The following SNAPC3 variants were observed in gnomAD, a reference collection of about 807,000 sequenced individuals.
SNAPC3 encodes small nuclear RNA activating complex polypeptide 3.
Under a neutral mutation model 47.7 loss-of-function variants are expected in SNAPC3, and 56 were observed. The observed-to-expected ratio is 1.18, with a 90% CI of 0.95 to 1.47. The LOEUF (loss-of-function observed/expected upper bound fraction) is 1.47, where lower values mean the gene tolerates loss of function less well. Ranked by LOEUF, SNAPC3 falls within the 40% of genes most tolerant of loss-of-function variation. The probability of loss-of-function intolerance (pLI) is 0.00; values close to 1 mark genes in which losing one functional copy is unlikely to be tolerated. For synonymous variants in SNAPC3, 235 were observed against 189.9 expected, an observed-to-expected ratio of 1.24 and a Z score of -1.95; for missense variants, 665 against 511.3, an observed-to-expected ratio of 1.30 and a Z score of -2.90.
At chr9:15,441,377 CCTTTT>C (rs1217998804) in intron 3 of SNAPC3, among the ~76,000 whole-genome samples, 48 of 64,952 alleles carry the variant, frequency 7.4e-4, no homozygotes, top group African/African-American at 2.3e-3. Flanking sequence ...GCAAGAGTTC[CCTTTT>C]CTTTTTTTTT....
rs1234247149 is a variant in SNAPC3, at chr9:15,460,568, T to G, written c.*702T>G. On this transcript the variant is annotated 3_prime_UTR_variant, in exon 9 of 9. Coordinates refer to ENST00000380821, the MANE Select transcript of SNAPC3 (RefSeq NM_001039697.2). ...ACCATGCCTGGCTAATTTTTGTATT[T>G]TTAGTAGAGACGGGGTTTCACCATG... The G allele has an allele frequency of 6.6e-6, 1 of 152,282 alleles. No individual in the cohort carries two copies. The highest frequency in any genetic ancestry group is 1.9e-4 in the East Asian group (1 of 5,198). The allele number at this position is 152,282 out of a possible 1,614,324, so 9.4% of individuals were successfully genotyped here.
At chr9:15,462,229 T>G (rs987957994), downstream of SNAPC3, 1 of 152,214 alleles carries the variant, frequency 6.6e-6, no homozygotes, top group African/African-American at 2.4e-5. Flanking sequence ...GATTCTTTAT[T>G]AATTATTTGA....
At chr9:15,464,680 A>G (rs1224853155), downstream of SNAPC3, 1 of 198,230 alleles carries the variant, frequency 5.0e-6, no homozygotes, top group African/African-American at 2.3e-5. Flanking sequence ...GACATTTTTA[A>G]CAACATTCCT....
chr9:15,464,210 C>G (rs988076679), downstream of SNAPC3: 1 of 190,622 alleles, frequency 5.2e-6, no homozygotes, highest in Admixed American at 6.2e-5. Context: ...ACGGTGATTC[C>G]TAGTTCCATT....
At chr9:15,433,822 TG>T in intron 3 of SNAPC3, 186 bp downstream of exon 3, 1 of 412,008 alleles carries the variant, frequency 2.4e-6, no homozygotes, top group Non-Finnish European at 4.3e-6. Flanking sequence ...AGTGACCACA[TG>T]TTTGACTTTT....
Position 15,422,896 on chromosome 9 carries a change from G to A in SNAPC3, c.17G>A (p.Arg6Gln), listed in dbSNP as rs746997280. The A allele has an allele frequency of 2.0e-6, 3 of 1,535,196 alleles. No individual in the cohort carries two copies. Among genetic ancestry groups the A allele is most frequent in the South Asian group, 2.4e-5 (2 of 82,840 alleles). MAEGS[R>Q]GGPTCSGVGG... ...GGGGCGAACATGGCTGAAGGAAGCC[G>A]AGGTGGCCCTACGTGTAGCGGGGTG... Residue 6 changes from arginine to glutamine, a missense_variant, in exon 1 of 9, where the codon CGA (arginine) becomes CAA (glutamine). Transcript: ENST00000380821.
chr9:15,422,912 T>C lies in SNAPC3; in HGVS notation c.33T>C (p.Cys11=), dbSNP rs1337588476. The C allele has an allele frequency of 6.5e-7, 1 of 1,536,036 alleles. No individual in the cohort carries two copies. The highest frequency in any genetic ancestry group is 8.8e-7 in the Non-Finnish European group (1 of 1,142,186). The change falls in exon 1 of 9, where the codon TGT becomes TGC. Residue 11 remains cysteine, a synonymous_variant. Coordinates refer to ENST00000380821, the MANE Select transcript of SNAPC3 (RefSeq NM_001039697.2). MAEGSRGGPT[C]SGVGGRQDPV... Reference sequence around the variant, plus strand: ...AAGGAAGCCGAGGTGGCCCTACGTGTAGCGGGGTGGGTGGCAGGCAGGACC... The same window carrying C: ...AAGGAAGCCGAGGTGGCCCTACGTGCAGCGGGGTGGGTGGCAGGCAGGACC...
chr9:15,461,287 A>C lies in SNAPC3; in HGVS notation c.*1421A>C, dbSNP rs529574617. ...GTGATCCTCCCACCTCAGCCTACCG[A>C]GTAGCTGAGACATGGTGGCACAGGC... On this transcript the variant is annotated 3_prime_UTR_variant, in exon 9 of 9. Coordinates refer to ENST00000380821, the MANE Select transcript of SNAPC3 (RefSeq NM_001039697.2). 4 of 152,276 alleles carry C rather than the reference A, an allele frequency of 2.6e-5. No homozygotes were observed. The South Asian group carries it at 6.2e-4, about 24-fold the overall frequency. The allele number at this position is 152,276 out of a possible 1,614,324, so 9.4% of individuals were successfully genotyped here. A position where few individuals can be genotyped will look rare whatever the true frequency, so the allele number is the denominator to read the frequency against.
At chr9:15,430,223 G>A (rs79380924) in intron 2 of SNAPC3, among the ~76,000 whole-genome samples, 3 of 152,150 alleles carry the variant, frequency 2.0e-5, no homozygotes, top group African/African-American at 7.2e-5. Flanking sequence ...TTGAGCCCTC[G>A]AGTTTGAGAA....
intron 7 of SNAPC3, among the ~76,000 whole-genome samples, chr9:15,455,349 T>A (rs2034695563): frequency 6.6e-6 from 1 of 152,160 alleles, no homozygotes; most frequent in African/African-American, 2.4e-5. Flanking sequence ...GCCAGATTAC[T>A]TGCAGTCAGG....
chr9:15,445,841 A>C (rs1436348368), intron 4 of SNAPC3, among the ~76,000 whole-genome samples: 1 of 152,040 alleles, frequency 6.6e-6, no homozygotes, highest in Non-Finnish European at 1.5e-5. Context: ...CCCAGTTACT[A>C]AGGAGGATTG....
downstream of SNAPC3, among the ~76,000 whole-genome samples, chr9:15,466,175 C>T (rs1025454139): frequency 5.9e-5 from 9 of 152,302 alleles, no homozygotes; most frequent in African/African-American, 1.2e-4. Flanking sequence ...GTCAGGAGTT[C>T]GAGGCCGGGC....
chr9:15,463,619 TC>T (rs2035396538), downstream of SNAPC3: 1 of 152,118 alleles, frequency 6.6e-6, no homozygotes, highest in South Asian at 2.1e-4. Context: ...ATTTCAATGA[TC>T]CTGAAAGTTC....
intron 2 of SNAPC3, chr9:15,431,878 G>A (rs1281733866): frequency 7.1e-6 from 1 of 139,986 alleles, no homozygotes; most frequent in Non-Finnish European, 1.5e-5. Flanking sequence ...CTGTATTAAA[G>A]CCTGTCTTTT....
At chr9:15,452,093 G>A (rs781215257) in intron 6 of SNAPC3, among the ~76,000 whole-genome samples, 1 of 152,088 alleles carries the variant, frequency 6.6e-6, no homozygotes, top group Non-Finnish European at 1.5e-5. Flanking sequence ...CTGCCAAGTA[G>A]CTGGGACTAC....
intron 8 of SNAPC3, 82 bp from the exon 9 acceptor site, chr9:15,459,637 T>G (rs952747234): frequency 1.9e-6 from 2 of 1,049,232 alleles, no homozygotes; most frequent in Non-Finnish European, 2.9e-6. Flanking sequence ...ATGTTATATT[T>G]ACATATTGCT....
chr9:15,463,107 A>G (rs534033237), downstream of SNAPC3: 1 of 152,070 alleles, frequency 6.6e-6, no homozygotes, highest in African/African-American at 2.4e-5. Context: ...CCAGTTGTTC[A>G]CATACCAAAT....
chr9:15,462,164 A>G (rs573027831), downstream of SNAPC3: 5 of 152,362 alleles, frequency 3.3e-5, no homozygotes, highest in East Asian at 3.9e-4. Context: ...TGTGGTGTCA[A>G]TACATTTTAG....
intron 4 of SNAPC3, among the ~76,000 whole-genome samples, chr9:15,446,236 A>G (rs765486408): frequency 1.3e-5 from 2 of 152,168 alleles, no homozygotes; most frequent in Non-Finnish European, 2.9e-5. Flanking sequence ...TTTGTTTTTG[A>G]GACAGGGCCT....
Sources: allele counts gnomAD v4.1 joint callset (sites outside exome capture counted in the v4.1 genomes callset), GRCh38; gene constraint gnomAD v4.1.1; transcripts MANE v1.5; gene names NCBI Gene and HGNC (gene_info 2026-07-23, HGNC 2026-07-21).